Variants in PHTF1 observed in about 807,000 individuals in gnomAD.
The protein encoded by PHTF1 is protein PHTF1.
Under a neutral mutation model 102.4 loss-of-function variants are expected in PHTF1, and 88 were observed. That is an observed-to-expected ratio of 0.86 (90% CI 0.72 to 1.03). The LOEUF (loss-of-function observed/expected upper bound fraction) is 1.03, where lower values mean the gene tolerates loss of function less well. PHTF1 is among the 50% of genes least tolerant of loss of function. PHTF1 has a pLI of 0.00. For missense variants in PHTF1, 814 were observed against 909.5 expected (o/e 0.89, Z 1.35); for synonymous variants, 289 against 305.2 (o/e 0.95, Z 0.55).
At chr1:113,726,860 A>C (rs1392701061) in intron 5 of PHTF1, among the ~76,000 whole-genome samples, 1 of 152,214 alleles carries the variant, frequency 6.6e-6, no homozygotes, top group African/African-American at 2.4e-5. Flanking sequence ...GATGCTGTAT[A>C]TAAAACACAT....
chr1:113,753,749 C>T (rs1483903464), intron 3 of PHTF1, among the ~76,000 whole-genome samples: 2 of 148,510 alleles, frequency 1.3e-5, no homozygotes, highest in African/African-American at 5.0e-5. Flanking sequence ...AAGGCAGGGT[C>T]TCTGTCATCT....
intron 3 of PHTF1, 95 bp from the exon 4 acceptor site, chr1:113,738,894 C>A: frequency 2.4e-6 from 2 of 827,914 alleles, no homozygotes; most frequent in Non-Finnish European, 3.8e-6. Flanking sequence ...TCTTGTAGCC[C>A]AGGCTGGAGT....
chr1:113,709,905 A>G (rs1026907262), intron 11 of PHTF1, among the ~76,000 whole-genome samples: 1 of 152,228 alleles, frequency 6.6e-6, no homozygotes, highest in African/African-American at 2.4e-5. Context: ...TTTCCTAGTA[A>G]TTCATATGTA....
chr1:113,715,465 T>C (rs1203170847), intron 7 of PHTF1, among the ~76,000 whole-genome samples: 1 of 151,776 alleles, frequency 6.6e-6, no homozygotes, highest in African/African-American at 2.4e-5. Context: ...AAAACCAGCC[T>C]GGGCAACATG....
chr1:113,720,650 C>T (rs762932725), intron 7 of PHTF1, among the ~76,000 whole-genome samples: 31 of 152,202 alleles, frequency 2.0e-4, no homozygotes, highest in Non-Finnish European at 3.2e-4. Context: ...TGAGTGTCTA[C>T]GGCTTTTCCA....
In PHTF1 at chr1:113,738,108, A is replaced by G; in HGVS notation, c.331+2T>C. The G allele has an allele frequency of 6.3e-7, 1 of 1,598,984 alleles. No homozygotes were observed. The highest frequency in any genetic ancestry group is 8.6e-7 in the Non-Finnish European group (1 of 1,168,680). Reference sequence around the variant, plus strand: ...ATTGCTTATTCCAATTTCTCCAATTACCTTGCATGAAATAAAGTAGTAACA... The same window carrying G: ...ATTGCTTATTCCAATTTCTCCAATTGCCTTGCATGAAATAAAGTAGTAACA... On this transcript the variant is annotated splice_donor_variant, in intron 5 of 18. Transcript: ENST00000369604. LOFTEE classifies it high-confidence loss of function.
intron 3 of PHTF1, among the ~76,000 whole-genome samples, chr1:113,743,852 T>C (rs989708964): frequency 4.6e-5 from 7 of 152,204 alleles, no homozygotes; most frequent in Admixed American, 4.6e-4. Context: ...TCCTATGAGA[T>C]TGGTACCTTT....
At chr1:113,757,669 A>T in intron 3 of PHTF1, 30 bp downstream of exon 3, 1 of 1,469,000 alleles carries the variant, frequency 6.8e-7, no homozygotes, top group South Asian at 1.1e-5. Flanking sequence ...ATGCAGTGAA[A>T]CATAGGCGGA....
chr1:113,719,851 G>A (rs1652636807), intron 7 of PHTF1, among the ~76,000 whole-genome samples: 1 of 152,200 alleles, frequency 6.6e-6, no homozygotes, highest in Non-Finnish European at 1.5e-5. Context: ...AGACTGAGAA[G>A]AAGAAGAGGT....
intron 5 of PHTF1, among the ~76,000 whole-genome samples, chr1:113,733,309 T>A (rs559409342): frequency 4.6e-5 from 7 of 152,120 alleles, no homozygotes; most frequent in African/African-American, 1.4e-4. Context: ...TTTCATTATA[T>A]GTACTAAAAG....
chr1:113,744,236 C>T (rs1178011633), intron 3 of PHTF1, among the ~76,000 whole-genome samples: 2 of 152,212 alleles, frequency 1.3e-5, no homozygotes, highest in African/African-American at 4.8e-5. Flanking sequence ...AACTGTGCAA[C>T]ATCATCACAA....
At chr1:113,738,605 A>G in intron 4 of PHTF1, 125 bp downstream of exon 4, 1 of 657,860 alleles carries the variant, frequency 1.5e-6, no homozygotes, top group Middle Eastern at 4.2e-4. Context: ...CTAAAGCCTG[A>G]ATGATGAGAG....
intron 5 of PHTF1, among the ~76,000 whole-genome samples, chr1:113,731,705 C>T (rs1654671871): frequency 6.6e-6 from 1 of 151,446 alleles, no homozygotes; most frequent in African/African-American, 2.4e-5. Context: ...ACCAGCCTGG[C>T]CAACGTGGCA....
chr1:113,709,700 T>C (rs1053400214), intron 11 of PHTF1, among the ~76,000 whole-genome samples: 3 of 152,202 alleles, frequency 2.0e-5, no homozygotes, highest in African/African-American at 7.2e-5. Context: ...TATTTCACAC[T>C]ATTCCTAAGA....
chr1:113,712,887 T>C (rs977280770), intron 8 of PHTF1, among the ~76,000 whole-genome samples: 2 of 151,684 alleles, frequency 1.3e-5, no homozygotes, highest in Admixed American at 1.3e-4. Context: ...CCCAGGTTCA[T>C]GCCATGCCAT....
chr1:113,746,920 G>T (rs1255193328), intron 3 of PHTF1: 1 of 396,492 alleles, frequency 2.5e-6, no homozygotes, highest in Non-Finnish European at 3.4e-6. Flanking sequence ...TGTTTACAGT[G>T]CTTTCATCAA....
chr1:113,738,126 T>C lies in PHTF1; in HGVS notation c.315A>G (p.Leu105=), dbSNP rs780784125. Residue 105 remains leucine, a synonymous_variant, in exon 5 of 19, where the codon CTA becomes CTG. Transcript: ENST00000369604. ...TCCAATTACCTTGCATGAAATAAAGTAGTAACAGCCAAACAAAGATTCTTA... is the reference window on the plus strand; with the variant it reads ...TCCAATTACCTTGCATGAAATAAAGCAGTAACAGCCAAACAAAGATTCTTA... ...TSLRIFVWLL[L]LYFMQVIAIV... The C allele has an allele frequency of 1.2e-6, 2 of 1,609,692 alleles. No individual in the cohort carries two copies. The highest frequency in any genetic ancestry group is 1.3e-5 in the African/African-American group (1 of 74,798).
In PHTF1 at chr1:113,733,052, C is replaced by A. The variant is rs1654917170; in HGVS notation, c.331+5058G>T. 5.0e-5 allele frequency among the ~76,000 whole-genome samples: 7 copies of A among 141,148 alleles called. No individual in the cohort carries two copies. In the South Asian group the frequency reaches 1.3e-3, roughly 27 times the overall value. The allele number at this position is 141,148 out of a possible 152,430, so 92.6% of individuals were successfully genotyped here. A position where few individuals can be genotyped will look rare whatever the true frequency, so the allele number is the denominator to read the frequency against. ...GTTGAAACTACAGGCTTGCACCACGCCTGGCTAATTTTTTTTTTTTTTTTT... is the reference window on the plus strand; with the variant it reads ...GTTGAAACTACAGGCTTGCACCACGACTGGCTAATTTTTTTTTTTTTTTTT... On this transcript the variant is annotated intron_variant, in intron 5 of 18. Coordinates refer to ENST00000369604, the MANE Select transcript of PHTF1 (RefSeq NM_001323043.2).
At chr1:113,718,227 T>C (rs753189612) in intron 7 of PHTF1, among the ~76,000 whole-genome samples, 1 of 152,120 alleles carries the variant, frequency 6.6e-6, no homozygotes, top group Non-Finnish European at 1.5e-5. Flanking sequence ...GAGTCAAATT[T>C]TAAAGCTCCA....
Sources: gnomAD v4.1 joint callset for allele counts (sites outside exome capture counted in the v4.1 genomes callset) on GRCh38, gnomAD v4.1.1 for gene constraint, MANE v1.5 for transcripts, NCBI Gene and HGNC (gene_info 2026-07-23, HGNC 2026-07-21) for gene names.